The following PLCB4 variants were observed in gnomAD, a reference collection of about 807,000 sequenced individuals.
The protein encoded by PLCB4 is 1-phosphatidylinositol 4,5-bisphosphate phosphodiesterase beta-4.
In PLCB4, 77 loss-of-function variants were observed where a neutral mutation model predicts 178.8. The ratio of observed to expected loss-of-function variants is 0.43; its 90% CI spans 0.36 to 0.52. The LOEUF is 0.52. Ranked by LOEUF, PLCB4 falls within the 20% of genes least tolerant of loss-of-function variation. PLCB4 has a pLI of 0.00. For missense variants in PLCB4, 1,024 were observed against 1,453.4 expected (o/e 0.70, Z 4.80); for synonymous variants, 496 against 490.8 (o/e 1.01, Z -0.14).
rs189052887 is a variant in PLCB4 at position 9,324,529 on chromosome 20, T to C, written c.85-12597T>C. ...TAATATGAAAAATACAATCTTCCCA[T>C]TCTCATTTCCCTAAGAAATGTCTTG... is the stretch of plus-strand genomic sequence containing the variant. On this transcript the variant is annotated intron_variant, in intron 4 of 39. Transcript: ENST00000378473. Among the ~76,000 whole-genome samples, 110 of 152,358 alleles carry C rather than the reference T, an allele frequency of 7.2e-4. 1 individual carries two copies. The Middle Eastern group carries it at 0.01, about 14-fold the overall frequency.
Position 9,417,913 on chromosome 20 carries a change from T to TA in PLCB4, c.2052-1893dup, listed in dbSNP as rs528503485. ...AGTCATCCTAGTGTATACATAGTGA[T>TA]ATCTCATTGTGGTTTTGATATTCAT... On this transcript the variant is annotated intron_variant, in intron 25 of 39. Transcript: ENST00000378473. Among the ~76,000 whole-genome samples, 75 of 152,322 alleles carry TA rather than the reference T, an allele frequency of 4.9e-4. 1 individual carries two copies. The highest frequency in any genetic ancestry group is 1.7e-3 in the African/African-American group (70 of 41,592).
At chr20:9,272,189 C>CAA (rs398035324) in intron 3 of PLCB4, among the ~76,000 whole-genome samples, 21 of 141,612 alleles carry the variant, frequency 1.5e-4, no homozygotes, top group South Asian at 6.7e-4. Flanking sequence ...GCACCCCCCT[C>CAA]AAAAAAAAAA....
chr20:9,287,774 G>T (rs1019222172), intron 3 of PLCB4, among the ~76,000 whole-genome samples: 1 of 152,066 alleles, frequency 6.6e-6, no homozygotes, highest in African/African-American at 2.4e-5. Context: ...AACTGCAGAA[G>T]AGATGGGAAC....
intron 2 of PLCB4, among the ~76,000 whole-genome samples, chr20:9,110,057 T>G (rs2091518351): frequency 6.6e-6 from 1 of 152,140 alleles, no homozygotes; most frequent in Admixed American, 6.5e-5. Flanking sequence ...AAATTATTAT[T>G]ATTAAGCAAT....
At chr20:9,425,166 A>T (rs764940283) in intron 28 of PLCB4, among the ~76,000 whole-genome samples, 4 of 152,176 alleles carry the variant, frequency 2.6e-5, no homozygotes, top group Non-Finnish European at 5.9e-5. Flanking sequence ...AGAAAGGGGC[A>T]CTGGAGACAA....
intron 6 of PLCB4, 33 bp from the exon 7 acceptor site, chr20:9,338,861 T>C: frequency 6.4e-7 from 1 of 1,572,384 alleles, no homozygotes. Context: ...TGATGTAACT[T>C]ATTTTTTTTT....
chr20:9,445,660 T>C (rs2042371449), intron 32 of PLCB4, among the ~76,000 whole-genome samples: 1 of 152,242 alleles, frequency 6.6e-6, no homozygotes, highest in African/African-American at 2.4e-5. Flanking sequence ...CTTCAAAGAC[T>C]GTTTCTAAGT....
intron 1 of PLCB4, among the ~76,000 whole-genome samples, chr20:9,073,666 T>A (rs952084943): frequency 9.2e-5 from 14 of 152,168 alleles, no homozygotes; most frequent in Non-Finnish European, 1.9e-4. Context: ...GGAGGATTAC[T>A]TGAGGCCAGG....
chr20:9,360,258 AG>A (rs1453889447), intron 7 of PLCB4, among the ~76,000 whole-genome samples: 6 of 152,184 alleles, frequency 3.9e-5, no homozygotes, highest in African/African-American at 1.4e-4. Flanking sequence ...TACTAACTAA[AG>A]CATGGGCCCT....
intron 15 of PLCB4, among the ~76,000 whole-genome samples, chr20:9,388,505 C>T (rs888853648): frequency 1.1e-4 from 17 of 152,158 alleles, no homozygotes; most frequent in African/African-American, 3.4e-4. Context: ...GATCACTTGA[C>T]GTCAGGAGTT....
intron 31 of PLCB4, 26 bp from the exon 32 acceptor site, chr20:9,444,152 T>C: frequency 6.4e-7 from 1 of 1,552,628 alleles, no homozygotes. Flanking sequence ...AAAAAACCTA[T>C]TTTTGATTCT....
intron 1 of PLCB4, among the ~76,000 whole-genome samples, chr20:9,079,864 G>T (rs1357188490): frequency 1.3e-5 from 2 of 151,964 alleles, no homozygotes; most frequent in Non-Finnish European, 2.9e-5. Flanking sequence ...AAGGGATTAT[G>T]CTTTATGCTT....
At chr20:9,270,124 T>C (rs2094387931) in intron 3 of PLCB4, among the ~76,000 whole-genome samples, 1 of 152,154 alleles carries the variant, frequency 6.6e-6, no homozygotes. Context: ...AAACTACCTG[T>C]CTATGACAGC....
chr20:9,234,236 T>G (rs2147368656), intron 3 of PLCB4, among the ~76,000 whole-genome samples: 1 of 152,276 alleles, frequency 6.6e-6, no homozygotes, highest in African/African-American at 2.4e-5. Context: ...TGTTCTGCTT[T>G]AAACTTTAAA....
chr20:9,224,682 A>G (rs1412908639), intron 3 of PLCB4, among the ~76,000 whole-genome samples: 2 of 152,092 alleles, frequency 1.3e-5, no homozygotes, highest in African/African-American at 2.4e-5. Context: ...TTCCATTTCT[A>G]GGTTGATTCT....
chr20:9,387,504 A>G lies in PLCB4; in HGVS notation c.1106A>G (p.Gln369Arg). The G allele has an allele frequency of 6.2e-7, 1 of 1,601,782 alleles. No homozygotes were observed. Among genetic ancestry groups the G allele is most frequent in the Non-Finnish European group, 8.5e-7 (1 of 1,170,712 alleles). Residue 369 changes from glutamine (Q) to arginine (R), a missense_variant, in exon 15 of 40, where the codon CAA becomes CGA. Physicochemically the swap from Gln to Arg is conservative, Grantham distance 43. Around this residue, in one of 7 missense-constraint regions of PLCB4, gnomAD observed 263 missense variants for 417.4 expected, o/e 0.63. Coordinates refer to ENST00000378473, the MANE Select transcript of PLCB4 (RefSeq NM_001377142.1). ...LDCWDGKGED[Q>R]EPIITHGKAM... ...TGCTGGGATGGAAAAGGTGAAGACCAAGAACCAATAATAACTCATGGAAAA... is the reference window on the plus strand; with the variant it reads ...TGCTGGGATGGAAAAGGTGAAGACCGAGAACCAATAATAACTCATGGAAAA...
At chr20:9,411,958 G>C (rs1470054093) in intron 25 of PLCB4, among the ~76,000 whole-genome samples, 3 of 152,094 alleles carry the variant, frequency 2.0e-5, no homozygotes, top group Non-Finnish European at 4.4e-5. Flanking sequence ...TTTTTCAGTG[G>C]TTGTGAGTTA....
At chr20:9,099,322 G>A (rs557054191) in intron 2 of PLCB4, among the ~76,000 whole-genome samples, 6 of 152,232 alleles carry the variant, frequency 3.9e-5, no homozygotes, top group African/African-American at 1.4e-4. Context: ...TTAGATATTA[G>A]ATTAGGTTAC....
Position 9,190,976 on chromosome 20 carries a change from G to T in PLCB4, c.-78-26414G>T, listed in dbSNP as rs530371887. 6.1e-4 allele frequency among the ~76,000 whole-genome samples: 93 copies of T among 152,220 alleles called. 1 individual carries two copies. In the South Asian group the frequency reaches 0.016, roughly 27 times the overall value. Reference sequence around the variant, plus strand: ...ATATACTTTGAAGTGATTTTGTATGGTTTAGAAGCCTCCAGTATGAAGTAA... The same window carrying T: ...ATATACTTTGAAGTGATTTTGTATGTTTTAGAAGCCTCCAGTATGAAGTAA... On this transcript the variant is annotated intron_variant, in intron 2 of 39. Transcript: ENST00000378473.
Sources: allele counts gnomAD v4.1 joint callset (sites outside exome capture counted in the v4.1 genomes callset), GRCh38; gene constraint gnomAD v4.1.1; regional missense constraint gnomAD v4.1.1; transcripts MANE v1.5; gene names NCBI Gene and HGNC (gene_info 2026-07-23, HGNC 2026-07-21).